The following AP4E1 variants were observed in gnomAD, a reference collection of about 807,000 sequenced individuals.
The protein encoded by AP4E1 is adaptor related protein complex 4 subunit epsilon 1.
AP4E1 carries 56 observed loss-of-function variants against 128.2 expected under a neutral mutation model. That is an observed-to-expected ratio of 0.44 (90% confidence interval 0.35 to 0.55). AP4E1 has a LOEUF of 0.55. AP4E1 is among the 20% of genes least tolerant of loss of function. The pLI is 0.00. For synonymous variants in AP4E1, 484 were observed against 473.1 expected (o/e 1.02, Z -0.30); for missense variants, 1,324 against 1,307.7 (o/e 1.01, Z -0.19).
chr15:50,966,531 C>CTTTT (rs11329556), intron 14 of AP4E1, among the ~76,000 whole-genome samples: 15 of 96,434 alleles, frequency 1.6e-4, no homozygotes, highest in South Asian at 3.6e-4. Context: ...TCTCAAGAAT[C>CTTTT]TTTTTTTTTT....
chr15:50,958,670 A>G lies in AP4E1; in HGVS notation c.1727A>G (p.His576Arg), dbSNP rs1275530684. Residue 576 changes from histidine (H) to arginine (R), a missense_variant, in exon 14 of 21, where the codon CAT (histidine) becomes CGT (arginine). By Grantham distance (29) the His-to-Arg change is conservative. Coordinates refer to ENST00000261842, the MANE Select transcript of AP4E1 (RefSeq NM_007347.5). ...HSSNTVERLI[H>R]EFTISLDTCM... The stretch of plus-strand genomic sequence containing the variant: ...TCTAATACAGTTGAGAGATTAATCC[A>G]TGAATTTACCATATCTTTGGATACT... 1 of 1,614,160 alleles carries G rather than the reference A, an allele frequency of 6.2e-7. No homozygotes were observed. Among genetic ancestry groups the G allele is most frequent in the South Asian group, 1.1e-5 (1 of 91,086 alleles).
intron 3 of AP4E1, among the ~76,000 whole-genome samples, chr15:50,916,185 C>G (rs1462136029): frequency 1.3e-5 from 2 of 152,194 alleles, no homozygotes; most frequent in Non-Finnish European, 2.9e-5. Flanking sequence ...ACGCCTTGGC[C>G]TCCCAAAGCG....
rs200528314 is a variant in AP4E1, at chr15:50,997,359, A to G, written c.2380A>G (p.Arg794Gly). 6.7e-5 allele frequency: 108 copies of G among 1,603,358 alleles called. No homozygotes were observed. The East Asian group carries it at 2.1e-3, about 31-fold the overall frequency. ...GKADTVSHKF[R>G]RKSKVKEAKS... ...AGCAGATACTGTCTCTCACAAGTTC[A>G]GAAGGAAATCAAAAGTCAAAGAAGC... Residue 794 changes from arginine to glycine, a missense_variant, in exon 18 of 21, where the codon AGA becomes GGA. By Grantham distance (125) the Arg-to-Gly change is moderately radical. Coordinates refer to ENST00000261842, the MANE Select transcript of AP4E1 (RefSeq NM_007347.5).
chr15:50,916,034 C>G (rs1346994865), intron 3 of AP4E1: 1 of 166,678 alleles, frequency 6.0e-6, no homozygotes, highest in East Asian at 1.7e-4. Flanking sequence ...TCAAGTGATC[C>G]TCCTATCTCA....
chr15:50,916,609 G>A (rs1056293171), intron 3 of AP4E1, among the ~76,000 whole-genome samples: 5 of 151,112 alleles, frequency 3.3e-5, no homozygotes, highest in African/African-American at 1.2e-4. Flanking sequence ...ATCAGATGAC[G>A]GGGTGAAGGT....
At chr15:50,966,617 A>C (rs2064398018) in intron 14 of AP4E1, among the ~76,000 whole-genome samples, 1 of 148,872 alleles carries the variant, frequency 6.7e-6, no homozygotes, top group Non-Finnish European at 1.5e-5. Flanking sequence ...GCTCACTGCA[A>C]CTTCCTCCTC....
At chr15:50,965,616 G>A (rs770686466) in intron 14 of AP4E1, among the ~76,000 whole-genome samples, 4 of 152,164 alleles carry the variant, frequency 2.6e-5, no homozygotes, top group Admixed American at 6.5e-5. Context: ...GAAGGTTTTC[G>A]GAGCTTTTAT....
At chr15:50,989,209 A>T (rs1418923134) in intron 16 of AP4E1, among the ~76,000 whole-genome samples, 1 of 152,250 alleles carries the variant, frequency 6.6e-6, no homozygotes, top group Non-Finnish European at 1.5e-5. Context: ...AAGAAGCTGC[A>T]TCTAATAGAG....
rs373919023 is a variant in AP4E1, at chr15:50,958,813, A to G, written c.1851+19A>G. ...CTTGGTGGTAAGACATTGGTGTTCCATCTTTTTAAAAATTGCGTTGTCATT... is the reference window on the plus strand; with the variant it reads ...CTTGGTGGTAAGACATTGGTGTTCCGTCTTTTTAAAAATTGCGTTGTCATT... On this transcript the variant is annotated intron_variant, in intron 14 of 20. Coordinates refer to ENST00000261842, the MANE Select transcript of AP4E1 (RefSeq NM_007347.5). 62 of 1,613,102 alleles carry G rather than the reference A, an allele frequency of 3.8e-5. No homozygotes were observed. The African/African-American group carries it at 7.7e-4, about 20-fold the overall frequency.
At chr15:50,985,593 T>C (rs1192621022) in intron 16 of AP4E1, among the ~76,000 whole-genome samples, 8 of 152,304 alleles carry the variant, frequency 5.3e-5, no homozygotes, top group East Asian at 1.9e-4. Flanking sequence ...CTTGTTTTTG[T>C]CAGGTTTGTC....
At chr15:50,980,711 T>C (rs1372659059) in intron 15 of AP4E1, among the ~76,000 whole-genome samples, 1 of 152,174 alleles carries the variant, frequency 6.6e-6, no homozygotes, top group East Asian at 1.9e-4. Context: ...AGCGTACCCT[T>C]CATGGGCTTG....
At chr15:50,939,389 C>T (rs1250004474) in intron 8 of AP4E1, among the ~76,000 whole-genome samples, 1 of 151,502 alleles carries the variant, frequency 6.6e-6, no homozygotes, top group African/African-American at 2.4e-5. Context: ...AGGAGAATCA[C>T]TTGAACCTGG....
At chr15:50,920,763 C>G (rs545616803) in intron 3 of AP4E1, among the ~76,000 whole-genome samples, 1 of 152,268 alleles carries the variant, frequency 6.6e-6, no homozygotes, top group Admixed American at 6.5e-5. Context: ...ATTTTAAAGC[C>G]TGCTTTGGTG....
chr15:50,919,907 T>C (rs2063675866), intron 3 of AP4E1, among the ~76,000 whole-genome samples: 1 of 151,554 alleles, frequency 6.6e-6, no homozygotes, highest in African/African-American at 2.4e-5. Flanking sequence ...TGAAACCCCA[T>C]CTCTACTAAG....
chr15:50,951,898 T>C (rs866141656), intron 13 of AP4E1, among the ~76,000 whole-genome samples: 5 of 152,044 alleles, frequency 3.3e-5, no homozygotes, highest in Non-Finnish European at 7.4e-5. Context: ...GGCTAATTTT[T>C]GTATTTTTAG....
At chr15:50,936,508 G>A (rs2063910156) in intron 8 of AP4E1, among the ~76,000 whole-genome samples, 3 of 152,090 alleles carry the variant, frequency 2.0e-5, no homozygotes, top group Admixed American at 6.5e-5. Context: ...AACAGTAAGT[G>A]TCCTTTCCAC....
intron 10 of AP4E1, among the ~76,000 whole-genome samples, chr15:50,942,131 G>A (rs530675316): frequency 3.2e-4 from 48 of 152,254 alleles, no homozygotes; most frequent in African/African-American, 1.0e-3. Context: ...TGGCCAGGCC[G>A]ATCCTGAAAT....
chr15:50,942,105 C>T (rs1265331815), intron 10 of AP4E1, among the ~76,000 whole-genome samples: 11 of 151,982 alleles, frequency 7.2e-5, no homozygotes, highest in Non-Finnish European at 1.2e-4. Flanking sequence ...TTAGTAGAAA[C>T]GGGGTTTCAC....
In AP4E1 at chr15:50,996,577, T is replaced by C. The variant is rs141967335; in HGVS notation, c.2347-749T>C. On this transcript the variant is annotated intron_variant, in intron 17 of 20. Transcript: ENST00000261842. ...AACTAGAATCATGTAAAGGATGCTG[T>C]GTAGTGTCAAAGCCCCCCGGGGGAG... 1.5e-3 allele frequency among the ~76,000 whole-genome samples: 235 copies of C among 152,154 alleles called. 6 individuals carry two copies. In the East Asian group the frequency reaches 0.043, roughly 28 times the overall value.
Sources: gnomAD v4.1 joint callset for allele counts (sites outside exome capture counted in the v4.1 genomes callset) on GRCh38, gnomAD v4.1.1 for gene constraint, MANE v1.5 for transcripts, NCBI Gene and HGNC (gene_info 2026-07-23, HGNC 2026-07-21) for gene names.